Variants in PODN observed in about 807,000 individuals in gnomAD.
PODN encodes podocan, also known as podocan proteoglycan.
A neutral mutation model predicts 52.7 loss-of-function variants in PODN; 40 were observed. That is an observed-to-expected ratio of 0.76 (90% CI 0.59 to 0.99). The LOEUF (loss-of-function observed/expected upper bound fraction) is 0.99. PODN is among the 50% of genes least tolerant of loss of function. The pLI is 0.00. For missense variants in PODN, 720 were observed against 815.1 expected (o/e 0.88, Z 1.42); for synonymous variants, 396 against 377.9 (o/e 1.05, Z -0.56).
intron 1 of PODN, among the ~76,000 whole-genome samples, chr1:53,063,909 C>G (rs1643996943): frequency 6.6e-6 from 1 of 152,092 alleles, no homozygotes; most frequent in Non-Finnish European, 1.5e-5. Context: ...GGCCTCCCGC[C>G]CTGTTGACCC....
intron 6 of PODN, 151 bp from the exon 7 acceptor site, chr1:53,077,534 T>C: frequency 8.8e-7 from 1 of 1,137,808 alleles, no homozygotes. Context: ...CAGTGGGTTG[T>C]GTGTGGCGTT....
At chr1:53,066,771 T>G in intron 1 of PODN, 2 of 1,504,148 alleles carry the variant, frequency 1.3e-6, no homozygotes, top group African/African-American at 1.4e-5. Context: ...TTCAGTACGG[T>G]GCAGAATGTT....
rs752185162 is a variant in PODN, at chr1:53,071,609, C to T, written c.387C>T (p.Asn129=). The T allele has an allele frequency of 1.2e-6, 2 of 1,613,678 alleles. No individual in the cohort carries two copies. Among genetic ancestry groups the T allele is most frequent in the African/African-American group, 2.7e-5 (2 of 74,948 alleles). Residue 129 remains asparagine (N), a synonymous_variant, in exon 3 of 11, where the codon AAC becomes AAT. Coordinates refer to ENST00000312553, the MANE Select transcript of PODN (RefSeq NM_153703.5). ...LHRLETLNLQ[N]NRLTSRGLPE... The stretch of plus-strand genomic sequence containing the variant: ...GGCTGGAGACGCTGAACCTGCAAAA[C>T]AACCGCCTGACTTCCCGAGGTGAGG...
intron 7 of PODN, 23 bp from the exon 8 acceptor site, chr1:53,078,342 T>C: frequency 6.3e-7 from 1 of 1,598,804 alleles, no homozygotes; most frequent in Non-Finnish European, 8.6e-7. Context: ...TTGCCAACCG[T>C]CCTAATTCCC....
rs528375195 is a variant in PODN, at chr1:53,066,946, G to A, written c.-55-2855G>A. ...TGGCCTTCTGCCCTGATTGAATTTG[G>A]GACCTGGGCCTGTGCCCACACTCTC... On this transcript the variant is annotated intron_variant, in intron 1 of 10. Transcript: ENST00000312553. 9.2e-5 allele frequency: 130 copies of A among 1,418,056 alleles called. No individual in the cohort carries two copies. In the African/African-American group the frequency reaches 1.6e-3, roughly 17 times the overall value. The allele number at this position is 1,418,056 out of a possible 1,614,324, so 87.8% of individuals were successfully genotyped here.
rs531818792 is a variant in PODN, at chr1:53,063,047, GC to G, written c.-56+740del. ...AGATCCGCGCCTTCCTGCGAATGAG[GC>G]AGAAGCCCCAGGTTCCAGGTCCCCG... On this transcript the variant is annotated intron_variant, in intron 1 of 10. Coordinates refer to ENST00000312553, the MANE Select transcript of PODN (RefSeq NM_153703.5). Among the ~76,000 whole-genome samples the G allele has an allele frequency of 2.6e-3, 398 of 152,286 alleles. 2 individuals carry two copies. The highest frequency in any genetic ancestry group is 8.9e-3 in the African/African-American group (369 of 41,562).
At chr1:53,074,455 G>T (rs1417991535) in intron 3 of PODN, 151 bp from the exon 4 acceptor site, 2 of 819,052 alleles carry the variant, frequency 2.4e-6, no homozygotes, top group African/African-American at 1.7e-5. Context: ...GAACAGGGCT[G>T]GGCAGGCCCC....
chr1:53,071,269 G>A (rs1189104486), intron 2 of PODN: 3 of 354,642 alleles, frequency 8.5e-6, no homozygotes, highest in East Asian at 4.9e-5. Flanking sequence ...ATAGCATGTC[G>A]AGTTTGAACT....
Position 53,064,469 on chromosome 1 carries a change from A to G in PODN, c.-56+2161A>G, listed in dbSNP as rs567846262. On this transcript the variant is annotated intron_variant, in intron 1 of 10. Coordinates refer to ENST00000312553, the MANE Select transcript of PODN (RefSeq NM_153703.5). ...CCCAGGATTTCTATTAGAGTCAATA[A>G]GATGCAGCTGTTTGGGGCCCAGCAC... Among the ~76,000 whole-genome samples, 34 of 152,378 alleles carry G rather than the reference A, an allele frequency of 2.2e-4. 1 individual carries two copies. In the South Asian group the frequency reaches 5.4e-3, roughly 24 times the overall value.
In PODN at chr1:53,075,782, C is replaced by T. The variant is rs112147397; in HGVS notation, c.472-80C>T. ...GCAGGGAGACACAGTGAAGGGGCCC[C>T]GGTGGGCAGCAGGCAGTGGGACCCA... On this transcript the variant is annotated intron_variant, in intron 4 of 10. Transcript: ENST00000312553. 65 of 1,244,130 alleles carry T rather than the reference C, an allele frequency of 5.2e-5. 2 individuals are homozygous for T. The African/African-American group carries it at 6.7e-4, about 13-fold the overall frequency. 77.1% of individuals were successfully genotyped at this position (1,244,130 alleles called of 1,614,324 possible).
chr1:53,069,992 C>T lies in PODN; in HGVS notation c.137C>T (p.Ala46Val), dbSNP rs779434575. 47 of 1,611,566 alleles carry T rather than the reference C, an allele frequency of 2.9e-5. No homozygotes were observed. The highest frequency in any genetic ancestry group is 2.4e-4 in the South Asian group (22 of 90,920). ...HSLSPEENEFAEEEPVLVLSP... is the reference protein window; with the variant it reads ...HSLSPEENEFVEEEPVLVLSP... ...CTGAGCCCCGAAGAGAACGAATTTG[C>T]GGAGGAGGAGCCGGTGCTGGTACTG... Residue 46 changes from alanine (A) to valine (V), a missense_variant, in exon 2 of 11, where the codon GCG becomes GTG. By Grantham distance (64) the Ala-to-Val change is moderately conservative (BLOSUM62 0). Coordinates refer to ENST00000312553, the MANE Select transcript of PODN (RefSeq NM_153703.5).
At position 53,063,294 on chromosome 1, in the gene PODN, G is replaced by A. The variant is rs766113627; in HGVS notation, c.-56+986G>A. ...GCGCGGCACTGACTGAGCTGGTCCG[G>A]GAGGCGCGGAGGATGCTCACCCAGC... On this transcript the variant is annotated intron_variant, in intron 1 of 10. Transcript: ENST00000312553. The A allele has an allele frequency of 8.5e-5, 79 of 928,302 alleles. 1 individual carries two copies. The Admixed American group carries it at 1.1e-3, about 13-fold the overall frequency. The allele number at this position is 928,302 out of a possible 1,614,324, so 57.5% of individuals were successfully genotyped here.
chr1:53,065,116 C>A (rs1255369050), intron 1 of PODN, among the ~76,000 whole-genome samples: 1 of 152,220 alleles, frequency 6.6e-6, no homozygotes, highest in Non-Finnish European at 1.5e-5. Context: ...GTAATCCCAG[C>A]ACTTTGGGAG....
chr1:53,078,529 T>C lies in PODN; in HGVS notation c.1019T>C (p.Leu340Pro). Residue 340 changes from leucine (L) to proline (P), a missense_variant, in exon 8 of 11, where the codon CTG (leucine) becomes CCG (proline). Physicochemically the swap from Leu to Pro is moderately conservative, Grantham distance 98. Coordinates refer to ENST00000312553, the MANE Select transcript of PODN (RefSeq NM_153703.5). The stretch of plus-strand genomic sequence containing the variant: ...ATCCGCAGCCTGGAGTACCTGCTGC[T>C]GCACAGCAACCAGCTGCGGGAGCAG... ...TPIRSLEYLL[L>P]HSNQLREQGI... 6.2e-7 allele frequency: 1 copy of C among 1,613,246 alleles called. No individual in the cohort carries two copies. Among genetic ancestry groups the C allele is most frequent in the Non-Finnish European group, 8.5e-7 (1 of 1,180,048 alleles).
chr1:53,077,238 C>T lies in PODN; in HGVS notation c.630C>T (p.Asp210=). 1 of 1,613,514 alleles carries T rather than the reference C, an allele frequency of 6.2e-7. No homozygotes were observed. The highest frequency in any genetic ancestry group is 8.5e-7 in the Non-Finnish European group (1 of 1,180,022). Reference sequence around the variant, plus strand: ...AGCTGGCAGACGCCGGGCTGCCGGACAACATGTTCAACGGCTCCAGCAACG... The same window carrying T: ...AGCTGGCAGACGCCGGGCTGCCGGATAACATGTTCAACGGCTCCAGCAACG... ...NNKLADAGLP[D]NMFNGSSNVE... Residue 210 remains aspartate, a synonymous_variant, in exon 6 of 11, where the codon GAC becomes GAT. Coordinates refer to ENST00000312553, the MANE Select transcript of PODN (RefSeq NM_153703.5).
chr1:53,084,240 T>C (rs775202996), intron 10 of PODN, among the ~76,000 whole-genome samples: 1 of 151,752 alleles, frequency 6.6e-6, no homozygotes, highest in East Asian at 1.9e-4. Context: ...CATGAGGGGC[T>C]GTGGAGTCCT....
At position 53,080,810 on chromosome 1, in the gene PODN, A is replaced by G. The variant is rs1379292374; in HGVS notation, c.1595A>G (p.Asn532Ser). 8 of 1,614,006 alleles carry G rather than the reference A, an allele frequency of 5.0e-6. No homozygotes were observed. The highest frequency in any genetic ancestry group is 5.9e-6 in the Non-Finnish European group (7 of 1,180,040). ...CTTGAGTACCTGTACCTGCAGAACAACAAGATTAGTGCGGTGCCCGCCAAT... is the reference window on the plus strand; with the variant it reads ...CTTGAGTACCTGTACCTGCAGAACAGCAAGATTAGTGCGGTGCCCGCCAAT... ...ESLEYLYLQN[N>S]KISAVPANAF... Residue 532 changes from asparagine (N) to serine (S), a missense_variant, in exon 9 of 11, where the codon AAC becomes AGC. Transcript: ENST00000312553.
Position 53,078,351 on chromosome 1 carries a change from C to T in PODN, c.855-14C>T. On this transcript the variant is annotated splice_polypyrimidine_tract_variant and intron_variant, in intron 7 of 10. Coordinates refer to ENST00000312553, the MANE Select transcript of PODN (RefSeq NM_153703.5). Reference sequence around the variant, plus strand: ...GGGCTCTTGCCAACCGTCCTAATTCCCTCCCTGCCCCAGGAAGCTCTCCAG... The same window carrying T: ...GGGCTCTTGCCAACCGTCCTAATTCTCTCCCTGCCCCAGGAAGCTCTCCAG... 11 of 1,602,774 alleles carry T rather than the reference C, an allele frequency of 6.9e-6. No individual in the cohort carries two copies. The highest frequency in any genetic ancestry group is 9.4e-6 in the Non-Finnish European group (11 of 1,171,884).
In PODN at chr1:53,077,284, A is replaced by T. The variant is rs1357693745; in HGVS notation, c.676A>T (p.Ser226Cys). 1 of 1,613,436 alleles carries T rather than the reference A, an allele frequency of 6.2e-7. No individual in the cohort carries two copies. The highest frequency in any genetic ancestry group is 1.1e-5 in the South Asian group (1 of 91,090). Reference sequence around the variant, plus strand: ...CAACGTCGAGGTCCTCATCCTGTCCAGCAACTTCCTGCGCCACGTGCCCAA... The same window carrying T: ...CAACGTCGAGGTCCTCATCCTGTCCTGCAACTTCCTGCGCCACGTGCCCAA... ...SSNVEVLILS[S>C]NFLRHVPKHL... is the part of the protein sequence containing the mutation. The change falls in exon 6 of 11, where the codon AGC (serine) becomes TGC (cysteine). Residue 226 changes from serine to cysteine, a missense_variant. Transcript: ENST00000312553.
Sources: allele counts gnomAD v4.1 joint callset (sites outside exome capture counted in the v4.1 genomes callset), GRCh38; gene constraint gnomAD v4.1.1; transcripts MANE v1.5; gene names NCBI Gene and HGNC (gene_info 2026-07-23, HGNC 2026-07-21).